SMIM31: variants seen among roughly 807,000 people sequenced by gnomAD.
The protein encoded by SMIM31 is human epithelial cell program regulator.
At chr4:164,782,949 G>A (rs1732975208) in intron 2 of SMIM31, among the ~76,000 whole-genome samples, 1 of 152,078 alleles carries the variant, frequency 6.6e-6, no homozygotes, top group Non-Finnish European at 1.5e-5. Flanking sequence ...GCCAGGTGTG[G>A]TGGCTCACAC....
intron 1 of SMIM31, among the ~76,000 whole-genome samples, chr4:164,766,625 C>A (rs1732723629): frequency 6.6e-6 from 1 of 151,750 alleles, no homozygotes; most frequent in African/African-American, 2.4e-5. Context: ...GGTGAAACCC[C>A]ATCTCTACTA....
At chr4:164,773,895 G>A (rs565220293) in intron 2 of SMIM31, among the ~76,000 whole-genome samples, 6 of 152,114 alleles carry the variant, frequency 3.9e-5, no homozygotes, top group Admixed American at 6.5e-5. Context: ...GGCTGGGTGC[G>A]GTGGCTCACG....
intron 2 of SMIM31, among the ~76,000 whole-genome samples, chr4:164,799,814 C>T (rs1285951922): frequency 1.3e-5 from 2 of 152,216 alleles, no homozygotes; most frequent in Non-Finnish European, 1.5e-5. Flanking sequence ...AAAACACAGT[C>T]TGAAGCATGG....
intron 2 of SMIM31, among the ~76,000 whole-genome samples, chr4:164,789,328 C>G (rs1198185911): frequency 6.6e-6 from 1 of 152,064 alleles, no homozygotes; most frequent in Non-Finnish European, 1.5e-5. Context: ...CAGGCAAAGA[C>G]CTCAGTCTCT....
rs138287277 is a variant in SMIM31, at chr4:164,759,656, C to CTTCA, written c.-26+5266_-26+5269dup. ...CAAATCTGTATCCACTTCATTAGAT[C>CTTCA]TTCATTCATTCATTCATTCATTCAC... is the stretch of plus-strand genomic sequence containing the variant. On this transcript the variant is annotated intron_variant, in intron 1 of 2. Coordinates refer to ENST00000507311, the MANE Select transcript of SMIM31 (RefSeq NM_001352885.1). 9.7e-3 allele frequency among the ~76,000 whole-genome samples: 1,479 copies of CTTCA among 152,134 alleles called. 8 individuals carry two copies. The highest frequency in any genetic ancestry group is 0.014 in the Non-Finnish European group (946 of 67,986).
At chr4:164,777,110 C>T (rs957621365) in intron 2 of SMIM31, among the ~76,000 whole-genome samples, 2 of 152,150 alleles carry the variant, frequency 1.3e-5, no homozygotes, top group Non-Finnish European at 2.9e-5. Context: ...CAGAATAACA[C>T]AAATCAATGT....
chr4:164,757,661 T>C (rs1732583389), intron 1 of SMIM31, among the ~76,000 whole-genome samples: 1 of 152,036 alleles, frequency 6.6e-6, no homozygotes, highest in Non-Finnish European at 1.5e-5. Flanking sequence ...TCCACCACTG[T>C]TTTCAAAAAA....
At chr4:164,774,360 AAGGT>A (rs1732854312) in intron 2 of SMIM31, among the ~76,000 whole-genome samples, 2 of 152,128 alleles carry the variant, frequency 1.3e-5, no homozygotes, top group Non-Finnish European at 2.9e-5. Context: ...GATGTAAGGG[AAGGT>A]AAAGTTATGG....
intron 2 of SMIM31, among the ~76,000 whole-genome samples, chr4:164,800,742 G>A (rs1453407555): frequency 6.6e-6 from 1 of 152,132 alleles, no homozygotes; most frequent in African/African-American, 2.4e-5. Context: ...TATGTGACAT[G>A]TTTCTCACGT....
At chr4:164,755,439 C>CACT (rs1732545335) in intron 1 of SMIM31, among the ~76,000 whole-genome samples, 1 of 148,286 alleles carries the variant, frequency 6.7e-6, no homozygotes, top group South Asian at 2.2e-4. Context: ...GAGACCACGC[C>CACT]ACTGCACTCC....
intron 2 of SMIM31, among the ~76,000 whole-genome samples, chr4:164,776,929 C>T (rs1732886057): frequency 6.6e-6 from 1 of 152,096 alleles, no homozygotes; most frequent in Admixed American, 6.6e-5. Context: ...GCCTATGAGG[C>T]AGGTATTGTT....
intron 1 of SMIM31, among the ~76,000 whole-genome samples, chr4:164,762,194 A>T (rs1418581103): frequency 2.0e-5 from 3 of 151,666 alleles, no homozygotes; most frequent in East Asian, 3.9e-4. Flanking sequence ...CTGAAAGGGG[A>T]CTATAAATAT....
chr4:164,789,306 A>G (rs1733070156), intron 2 of SMIM31, among the ~76,000 whole-genome samples: 1 of 152,200 alleles, frequency 6.6e-6, no homozygotes, highest in Non-Finnish European at 1.5e-5. Flanking sequence ...CAGAGGTACA[A>G]ATGAACTCAC....
At chr4:164,766,615 G>T (rs1462445892) in intron 1 of SMIM31, among the ~76,000 whole-genome samples, 1 of 151,900 alleles carries the variant, frequency 6.6e-6, no homozygotes, top group African/African-American at 2.4e-5. Flanking sequence ...TGGCCAACAT[G>T]GTGAAACCCC....
intron 2 of SMIM31, among the ~76,000 whole-genome samples, chr4:164,782,507 T>C (rs1732966462): frequency 6.7e-6 from 1 of 148,434 alleles, no homozygotes; most frequent in Non-Finnish European, 1.5e-5. Context: ...GCCTCCCGAG[T>C]AGCTGGGACT....
intron 2 of SMIM31, among the ~76,000 whole-genome samples, chr4:164,798,409 A>ATTTT (rs1211057950): frequency 7.2e-6 from 1 of 138,530 alleles, no homozygotes; most frequent in Non-Finnish European, 1.6e-5. Flanking sequence ...AATATTTTGT[A>ATTTT]TTTTTTTTTT....
At chr4:164,796,993 C>T (rs1025429741) in intron 2 of SMIM31, among the ~76,000 whole-genome samples, 1 of 152,230 alleles carries the variant, frequency 6.6e-6, no homozygotes, top group African/African-American at 2.4e-5. Flanking sequence ...CTTGACTACA[C>T]TGTTCTTCCA....
chr4:164,758,276 T>G (rs1732593253), intron 1 of SMIM31, among the ~76,000 whole-genome samples: 1 of 152,172 alleles, frequency 6.6e-6, no homozygotes, highest in South Asian at 2.1e-4. Context: ...TGTAAAATTC[T>G]TAGGATTTTT....
chr4:164,800,487 C>T (rs1733269302), intron 2 of SMIM31, among the ~76,000 whole-genome samples: 1 of 152,174 alleles, frequency 6.6e-6, no homozygotes, highest in Non-Finnish European at 1.5e-5. Context: ...GAATTACAGG[C>T]ATGATCCATT....
Sources: allele counts gnomAD v4.1 joint callset (sites outside exome capture counted in the v4.1 genomes callset), GRCh38; gene constraint gnomAD v4.1.1; transcripts MANE v1.5; gene names NCBI Gene and HGNC (gene_info 2026-07-23, HGNC 2026-07-21).